Variants in MACROD2 observed in about 807,000 individuals in gnomAD.
MACROD2 encodes the protein mono-ADP ribosylhydrolase 2.
MACROD2 carries 36 observed loss-of-function variants against 70.4 expected under a neutral mutation model. That is an observed-to-expected ratio of 0.51 (90% CI 0.39 to 0.68). The LOEUF (loss-of-function observed/expected upper bound fraction) is 0.68. Ranked by LOEUF, MACROD2 falls within the 30% of genes least tolerant of loss-of-function variation. The pLI is 0.00. For synonymous variants in MACROD2, 172 were observed against 178.8 expected (o/e 0.96, Z 0.30); for missense variants, 496 against 538.4 (o/e 0.92, Z 0.78).
intron 5 of MACROD2, among the ~76,000 whole-genome samples, chr20:14,740,324 C>T (rs1003768248): frequency 2.0e-5 from 3 of 152,074 alleles, no homozygotes; most frequent in African/African-American, 7.2e-5. Flanking sequence ...AGATGCAAAA[C>T]TCAAACGCTG....
chr20:15,604,711 C>T (rs551849039), intron 8 of MACROD2, among the ~76,000 whole-genome samples: 6 of 152,262 alleles, frequency 3.9e-5, no homozygotes, highest in African/African-American at 7.2e-5. Flanking sequence ...TGGTGAAATA[C>T]GATTTGGGGT....
At chr20:14,136,255 C>G (rs1047336185) in intron 3 of MACROD2, among the ~76,000 whole-genome samples, 5 of 151,958 alleles carry the variant, frequency 3.3e-5, no homozygotes, top group Admixed American at 3.3e-4. Flanking sequence ...GGATCGTAGA[C>G]TTAAATATAA....
At position 13,995,899 on chromosome 20, in the gene MACROD2, C is replaced by T; in HGVS notation, c.46+90C>T. 2.1e-6 allele frequency: 3 copies of T among 1,453,260 alleles called. No individual in the cohort carries two copies. The highest frequency in any genetic ancestry group is 2.0e-5 in the Admixed American group (1 of 50,518). 90.0% of individuals were successfully genotyped at this position (1,453,260 alleles called of 1,614,324 possible). A position where few individuals can be genotyped will look rare whatever the true frequency, so the allele number is the denominator to read the frequency against. The stretch of plus-strand genomic sequence containing the variant: ...CTGTGTGTGCCGCGGCGCCCTCCGC[C>T]CGAGCTCCCGCCTCGCGCCCTCCCG... On this transcript the variant is annotated intron_variant, in intron 1 of 17. Transcript: ENST00000684519. The surrounding 1 kb of genome is among the most constrained non-coding windows in gnomAD (Gnocchi z 4.3).
intron 7 of MACROD2, among the ~76,000 whole-genome samples, chr20:15,471,388 C>G (rs530794152): frequency 3.4e-4 from 52 of 152,306 alleles, no homozygotes; most frequent in Admixed American, 2.0e-3. Context: ...TTATACCACC[C>G]ATTGTGCGAA....
chr20:14,519,951 GCATTTGCAGGAACAGAAA>G (rs1361461361), intron 4 of MACROD2, among the ~76,000 whole-genome samples: 4 of 152,036 alleles, frequency 2.6e-5, no homozygotes, highest in African/African-American at 9.7e-5. Context: ...ATCTGTTCCT[GCATTTGCAGGAACAGAAA>G]ACCGAATACC....
At chr20:14,638,171 T>C (rs1370707415) in intron 4 of MACROD2, among the ~76,000 whole-genome samples, 1 of 152,172 alleles carries the variant, frequency 6.6e-6, no homozygotes, top group Admixed American at 6.5e-5. Flanking sequence ...ATATTTTAAG[T>C]TGAATTATCT....
chr20:15,100,881 A>G (rs2075867089), intron 5 of MACROD2, among the ~76,000 whole-genome samples: 1 of 152,182 alleles, frequency 6.6e-6, no homozygotes. Context: ...TAGGCCTCTA[A>G]CAGTGCTGTT....
chr20:14,634,949 T>G (rs1015595102), intron 4 of MACROD2, among the ~76,000 whole-genome samples: 6 of 152,108 alleles, frequency 3.9e-5, no homozygotes, highest in Admixed American at 3.3e-4. Context: ...CAGGGAGAAC[T>G]TTTGTTCTAG....
chr20:15,581,140 A>G (rs2048517893), intron 8 of MACROD2, among the ~76,000 whole-genome samples: 1 of 152,158 alleles, frequency 6.6e-6, no homozygotes, highest in Non-Finnish European at 1.5e-5. Context: ...ATTGAGAGAG[A>G]TGGGGAAGGG....
Position 14,760,413 on chromosome 20 carries a change from G to A in MACROD2, c.418+75454G>A, listed in dbSNP as rs74540358. Among the ~76,000 whole-genome samples the A allele has an allele frequency of 5.6e-3, 859 of 152,176 alleles. 14 individuals are homozygous for A. The highest frequency in any genetic ancestry group is 0.02 in the African/African-American group (820 of 41,470). On this transcript the variant is annotated intron_variant, in intron 5 of 17. Transcript: ENST00000684519. ...TATAAAGTTCTGAGCCTGGGGCCAGGTACATAGGAAAGTATTAATTAATTT... is the reference window on the plus strand; with the variant it reads ...TATAAAGTTCTGAGCCTGGGGCCAGATACATAGGAAAGTATTAATTAATTT...
At chr20:13,999,449 G>T (rs957939036) in intron 1 of MACROD2, among the ~76,000 whole-genome samples, 1 of 152,080 alleles carries the variant, frequency 6.6e-6, no homozygotes, top group Non-Finnish European at 1.5e-5. Context: ...CCATTTGTAT[G>T]CTCAGTACTA....
intron 5 of MACROD2, among the ~76,000 whole-genome samples, chr20:15,226,983 T>C (rs1488038023): frequency 6.6e-6 from 1 of 152,146 alleles, no homozygotes; most frequent in African/African-American, 2.4e-5. Context: ...TCATAAGTAC[T>C]ATGGACAATT....
At chr20:14,471,134 C>T (rs2084525760) in intron 3 of MACROD2, among the ~76,000 whole-genome samples, 1 of 152,102 alleles carries the variant, frequency 6.6e-6, no homozygotes, top group Non-Finnish European at 1.5e-5. Flanking sequence ...ATGCACTGTC[C>T]CTCAGGGCAC....
intron 5 of MACROD2, among the ~76,000 whole-genome samples, chr20:14,822,607 T>C (rs1040391777): frequency 1.2e-4 from 18 of 152,096 alleles, no homozygotes; most frequent in Admixed American, 6.6e-4. Flanking sequence ...AACTTTCATT[T>C]AAGTGAGGCA....
chr20:15,687,502 C>G (rs916383683), intron 8 of MACROD2, among the ~76,000 whole-genome samples: 1 of 140,444 alleles, frequency 7.1e-6, no homozygotes, highest in Non-Finnish European at 1.5e-5. Flanking sequence ...ATTGGTTGTC[C>G]TTTGGTCATT....
intron 3 of MACROD2, among the ~76,000 whole-genome samples, chr20:14,244,636 TGGTATG>T (rs2081955047): frequency 6.6e-6 from 1 of 152,172 alleles, no homozygotes; most frequent in South Asian, 2.1e-4. Flanking sequence ...AACAACTTCT[TGGTATG>T]GGTATATAAT....
intron 7 of MACROD2, among the ~76,000 whole-genome samples, chr20:15,431,642 G>C (rs181197884): frequency 6.6e-6 from 1 of 152,126 alleles, no homozygotes; most frequent in Non-Finnish European, 1.5e-5. Context: ...GGTATCACAT[G>C]AAATTATTTG....
intron 4 of MACROD2, among the ~76,000 whole-genome samples, chr20:14,589,892 C>T (rs1447573232): frequency 2.0e-5 from 3 of 152,142 alleles, no homozygotes; most frequent in Non-Finnish European, 2.9e-5. Flanking sequence ...ATGCCGTTCT[C>T]ATATACAAAG....
intron 8 of MACROD2, among the ~76,000 whole-genome samples, chr20:15,676,029 G>A (rs2146846736): frequency 6.6e-6 from 1 of 152,300 alleles, no homozygotes. Flanking sequence ...TACTACAGAT[G>A]TTATACAATG....
Sources: gnomAD v4.1 joint callset for allele counts (sites outside exome capture counted in the v4.1 genomes callset) on GRCh38, gnomAD v4.1.1 for gene constraint, Gnocchi (gnomAD v3.1) non-coding constraint, MANE v1.5 for transcripts, NCBI Gene and HGNC (gene_info 2026-07-23, HGNC 2026-07-21) for gene names.